Variants in IMMP1L observed in about 807,000 individuals in gnomAD.
The protein encoded by IMMP1L is inner mitochondrial membrane peptidase subunit 1, also known as mitochondrial inner membrane protease subunit 1.
A neutral mutation model predicts 21.8 loss-of-function variants in IMMP1L; 24 were observed. The ratio of observed to expected loss-of-function variants is 1.10; its 90% CI spans 0.80 to 1.55. IMMP1L has a LOEUF of 1.55. Ranked by LOEUF, IMMP1L falls within the 40% of genes most tolerant of loss-of-function variation. IMMP1L has a pLI of 0.00. For missense variants in IMMP1L, 195 were observed against 200.7 expected (o/e 0.97, Z 0.17); for synonymous variants, 46 against 62.8 (o/e 0.73, Z 1.26).
intron 4 of IMMP1L, among the ~76,000 whole-genome samples, chr11:31,446,293 T>C (rs563899606): frequency 3.9e-5 from 6 of 152,332 alleles, no homozygotes; most frequent in African/African-American, 1.4e-4. Context: ...TATGCCTCAC[T>C]CACAGCCTAT....
At chr11:31,463,379 T>G (rs966310425) in intron 1 of IMMP1L, 74 bp from the exon 2 acceptor site, 114 of 1,327,448 alleles carry the variant, frequency 8.6e-5, no homozygotes, top group Non-Finnish European at 1.1e-4. Flanking sequence ...TTGTAAAATA[T>G]TTTACAATCA....
At chr11:31,500,165 T>C (rs1463250487) in intron 1 of IMMP1L, among the ~76,000 whole-genome samples, 2 of 150,542 alleles carry the variant, frequency 1.3e-5, no homozygotes, top group African/African-American at 2.5e-5. Flanking sequence ...TGGTCAGTCT[T>C]TTTTTTTCCA....
In IMMP1L at chr11:31,509,570, T is replaced by G. The variant is rs905512038; in HGVS notation, c.-81A>C. 3 of 592,702 alleles carry G rather than the reference T, an allele frequency of 5.1e-6. No homozygotes were observed. The highest frequency in any genetic ancestry group is 1.9e-5 in the African/African-American group (1 of 53,798). The allele number at this position is 592,702 out of a possible 1,614,324, so 36.7% of individuals were successfully genotyped here. On this transcript the variant is annotated 5_prime_UTR_variant, in exon 1 of 6. Transcript: ENST00000532287. ...CCTCAACCAGGACACAGGTGGGCCTTTCTCACCTGGGCCCCGCCGAAGTCG... is the reference window on the plus strand; with the variant it reads ...CCTCAACCAGGACACAGGTGGGCCTGTCTCACCTGGGCCCCGCCGAAGTCG...
chr11:31,443,167 G>A (rs1307102394), intron 4 of IMMP1L, among the ~76,000 whole-genome samples: 1 of 152,022 alleles, frequency 6.6e-6, no homozygotes, highest in Non-Finnish European at 1.5e-5. Flanking sequence ...GCCATATTAA[G>A]ATCCTATGCA....
intron 1 of IMMP1L, among the ~76,000 whole-genome samples, chr11:31,486,065 T>G (rs943610893): frequency 6.6e-6 from 1 of 151,692 alleles, no homozygotes. Context: ...CCCTTTTTTT[T>G]TTTGTAATGA....
At chr11:31,500,375 G>GA (rs372886795) in intron 1 of IMMP1L, among the ~76,000 whole-genome samples, 4 of 151,188 alleles carry the variant, frequency 2.6e-5, no homozygotes, top group Admixed American at 1.3e-4. Flanking sequence ...ATTCAGGGAG[G>GA]AAAAAAAATT....
intron 1 of IMMP1L, among the ~76,000 whole-genome samples, chr11:31,469,457 C>T (rs907919865): frequency 6.6e-6 from 1 of 151,922 alleles, no homozygotes. Context: ...TAAAATATAA[C>T]TAAAATTAAT....
At chr11:31,449,069 G>A in intron 4 of IMMP1L, 1 of 985,340 alleles carries the variant, frequency 1.0e-6, no homozygotes, top group East Asian at 1.1e-4. Flanking sequence ...TGGATGTGTA[G>A]CACAGGTTTT....
intron 4 of IMMP1L, among the ~76,000 whole-genome samples, chr11:31,435,285 A>G (rs1564963798): frequency 6.6e-6 from 1 of 152,174 alleles, no homozygotes; most frequent in African/African-American, 2.4e-5. Flanking sequence ...AGCTTTCCCT[A>G]AACTTGCCTG....
chr11:31,503,691 C>T (rs1330463328), intron 1 of IMMP1L, among the ~76,000 whole-genome samples: 1 of 152,142 alleles, frequency 6.6e-6, no homozygotes, highest in Non-Finnish European at 1.5e-5. Context: ...CTGAACAATA[C>T]ACAAAAATCA....
At chr11:31,475,862 T>C (rs1434295510) in intron 1 of IMMP1L, among the ~76,000 whole-genome samples, 1 of 152,062 alleles carries the variant, frequency 6.6e-6, no homozygotes, top group Non-Finnish European at 1.5e-5. Flanking sequence ...CAAATAAGAG[T>C]GACCCCTAGA....
At chr11:31,463,368 A>G (rs148605225) in intron 1 of IMMP1L, 63 bp from the exon 2 acceptor site, 2 of 1,366,566 alleles carry the variant, frequency 1.5e-6, no homozygotes, top group East Asian at 5.6e-5. Flanking sequence ...AGAAATAACT[A>G]TTGTAAAATA....
intron 1 of IMMP1L, among the ~76,000 whole-genome samples, chr11:31,502,729 C>A (rs1174394019): frequency 2.0e-5 from 3 of 152,162 alleles, no homozygotes; most frequent in Non-Finnish European, 4.4e-5. Flanking sequence ...GAAAGGAACA[C>A]CAGTCAGCCG....
chr11:31,456,970 C>G (rs1377363721), intron 3 of IMMP1L, among the ~76,000 whole-genome samples: 1 of 60,544 alleles, frequency 1.7e-5, no homozygotes, highest in Non-Finnish European at 3.8e-5. Flanking sequence ...AAAAAACCCT[C>G]CACACAATTC....
chr11:31,438,368 C>T (rs1953196148), intron 4 of IMMP1L, among the ~76,000 whole-genome samples: 1 of 152,062 alleles, frequency 6.6e-6, no homozygotes, highest in Non-Finnish European at 1.5e-5. Flanking sequence ...ATATGTTGGC[C>T]ATTTTAAAAA....
chr11:31,452,040 C>A lies in IMMP1L; in HGVS notation c.321+4220G>T, dbSNP rs955896839. Among the ~76,000 whole-genome samples the A allele has an allele frequency of 2.6e-5, 4 of 152,240 alleles. No individual in the cohort carries two copies. In the South Asian group the frequency reaches 8.3e-4, roughly 32 times the overall value. ...TGAGAGTTGATCACTGGAGAGACAA[C>A]AAGAGAAGTCATTAGCGACTTTGAC... On this transcript the variant is annotated intron_variant, in intron 4 of 5. Transcript: ENST00000532287.
intron 1 of IMMP1L, among the ~76,000 whole-genome samples, chr11:31,490,707 TG>T (rs764470338): frequency 5.9e-5 from 9 of 152,106 alleles, no homozygotes; most frequent in Non-Finnish European, 1.3e-4. Flanking sequence ...TATAGTGAGT[TG>T]AGAAATGGTC....
In IMMP1L at chr11:31,432,516, CTG is replaced by C; in HGVS notation, c.483_484del (p.His161GlnfsTer4). ...AAATGCTTACTAATCATCAGAAAAT[CTG>C]TGGCCATTAGGGCTGGCACGTAAAA... On this transcript the variant is annotated frameshift_variant, in exon 6 of 6. Transcript: ENST00000532287. 1 of 1,612,006 alleles carries C rather than the reference CTG, an allele frequency of 6.2e-7. No homozygotes were observed. Among genetic ancestry groups the C allele is most frequent in the South Asian group, 1.1e-5 (1 of 91,010 alleles).
intron 1 of IMMP1L, among the ~76,000 whole-genome samples, chr11:31,485,172 AT>A (rs1239347276): frequency 6.6e-6 from 1 of 151,844 alleles, no homozygotes; most frequent in African/African-American, 2.4e-5. Flanking sequence ...TTACTTCTAT[AT>A]TTTTTAAAGC....
Sources: gnomAD v4.1 joint callset for allele counts (sites outside exome capture counted in the v4.1 genomes callset) on GRCh38, gnomAD v4.1.1 for gene constraint, MANE v1.5 for transcripts, NCBI Gene and HGNC (gene_info 2026-07-23, HGNC 2026-07-21) for gene names.